DCLK2: variants seen among roughly 807,000 people sequenced by gnomAD.
The protein encoded by DCLK2 is doublecortin like kinase 2.
In DCLK2, 31 loss-of-function variants were observed where a neutral mutation model predicts 78.4. That is an observed-to-expected ratio of 0.40 (90% CI 0.30 to 0.53). The LOEUF is 0.53. Ranked by LOEUF, DCLK2 falls within the 20% of genes least tolerant of loss-of-function variation. The pLI is 0.61. For synonymous variants in DCLK2, 407 were observed against 374.9 expected (o/e 1.09, Z -0.99); for missense variants, 872 against 973.7 (o/e 0.90, Z 1.39).
intron 12 of DCLK2, among the ~76,000 whole-genome samples, chr4:150,243,960 A>G (rs1180241761): frequency 6.6e-6 from 1 of 150,944 alleles, no homozygotes; most frequent in Admixed American, 6.6e-5. Context: ...TTTTTAAGAG[A>G]CAGGGTCTCT....
At chr4:150,127,510 C>A (rs1239350207) in intron 2 of DCLK2, among the ~76,000 whole-genome samples, 3 of 152,090 alleles carry the variant, frequency 2.0e-5, no homozygotes, top group Admixed American at 2.0e-4. Context: ...TCAATGGGAG[C>A]TTCTTCAAGT....
At chr4:150,238,868 C>G (rs1742697803) in intron 10 of DCLK2, among the ~76,000 whole-genome samples, 1 of 152,144 alleles carries the variant, frequency 6.6e-6, no homozygotes, top group African/African-American at 2.4e-5. Flanking sequence ...AGGTCATTTT[C>G]TTTCTAAACT....
intron 5 of DCLK2, among the ~76,000 whole-genome samples, chr4:150,215,712 CA>C (rs1282263987): frequency 7.2e-5 from 11 of 152,202 alleles, no homozygotes; most frequent in Non-Finnish European, 4.4e-5. Flanking sequence ...GCATGATTGA[CA>C]ACCCTGTAGA....
At chr4:150,176,351 G>C (rs1015622051) in intron 2 of DCLK2, among the ~76,000 whole-genome samples, 1 of 152,190 alleles carries the variant, frequency 6.6e-6, no homozygotes, top group African/African-American at 2.4e-5. Context: ...GTAAGAGCGA[G>C]AAAGATACGG....
Position 150,249,666 on chromosome 4 carries a change from C to A in DCLK2, c.2055C>A (p.Thr685=). Residue 685 remains threonine, a synonymous_variant, in exon 15 of 16, where the codon ACC becomes ACA. Coordinates refer to ENST00000296550, the MANE Select transcript of DCLK2 (RefSeq NM_001040260.4). ...NALPKQNSTT[T]GVSVIMNTAL... is the part of the protein sequence containing the mutation. ...TCCCCAAACAGAACAGCACTACCAC[C>A]GGGGTCTCCGTCATCATGGTGAGTG... 2.5e-6 allele frequency: 4 copies of A among 1,613,500 alleles called. No homozygotes were observed. The highest frequency in any genetic ancestry group is 1.7e-4 in the Middle Eastern group (1 of 6,056).
At chr4:150,202,353 G>A (rs1450680861) in intron 4 of DCLK2, among the ~76,000 whole-genome samples, 6 of 152,124 alleles carry the variant, frequency 3.9e-5, no homozygotes, top group Non-Finnish European at 7.3e-5. Context: ...ATAAAATCTA[G>A]ATCACTGACC....
At chr4:150,204,236 T>TA (rs147186025) in intron 5 of DCLK2, among the ~76,000 whole-genome samples, 2,284 of 152,274 alleles carry the variant, frequency 0.015, 63 homozygotes, top group African/African-American at 0.052. Flanking sequence ...CATGATTCTT[T>TA]AAAAAATCTT....
intron 2 of DCLK2, among the ~76,000 whole-genome samples, chr4:150,137,724 G>T (rs955701746): frequency 6.6e-6 from 1 of 152,132 alleles, no homozygotes; most frequent in African/African-American, 2.4e-5. Flanking sequence ...TAGGGGTGGG[G>T]ACAAGATTTT....
Position 150,248,331 on chromosome 4 carries a change from AAATGT to A in DCLK2, c.1903_1907del (p.Asn635Ter). 1 of 1,613,954 alleles carries A rather than the reference AAATGT, an allele frequency of 6.2e-7. No individual in the cohort carries two copies. The highest frequency in any genetic ancestry group is 8.5e-7 in the Non-Finnish European group (1 of 1,179,962). ...AATTAATCAGTCAAATGCTTCAGGT[AAATGT>A]TGAAGCTCGGTGTACCGCGGGACAA... On this transcript the variant is annotated frameshift_variant, in exon 14 of 16. Coordinates refer to ENST00000296550, the MANE Select transcript of DCLK2 (RefSeq NM_001040260.4). LOFTEE classifies it high-confidence loss of function.
chr4:150,253,836 G>A, intron 15 of DCLK2: 2 of 985,468 alleles, frequency 2.0e-6, no homozygotes, highest in Non-Finnish European at 2.4e-6. Context: ...TTCCCACTTA[G>A]GTGAAAAGTG....
intron 1 of DCLK2, among the ~76,000 whole-genome samples, chr4:150,095,512 G>C (rs773913964): frequency 9.2e-5 from 14 of 152,252 alleles, no homozygotes; most frequent in Non-Finnish European, 1.8e-4. Context: ...CACAATCTGT[G>C]TACCCTTTCT....
intron 10 of DCLK2, among the ~76,000 whole-genome samples, chr4:150,237,850 A>G (rs1270673627): frequency 6.6e-6 from 1 of 152,250 alleles, no homozygotes; most frequent in Non-Finnish European, 1.5e-5. Flanking sequence ...AAATAGAAAC[A>G]GGCATTACAA....
At chr4:150,175,320 G>C (rs1736992744) in intron 2 of DCLK2, 1 of 149,358 alleles carries the variant, frequency 6.7e-6, no homozygotes, top group Non-Finnish European at 1.5e-5. Context: ...TTACCTGTGA[G>C]AGTGCTGGCT....
At chr4:150,170,144 C>A (rs1560829652) in intron 2 of DCLK2, among the ~76,000 whole-genome samples, 1 of 152,184 alleles carries the variant, frequency 6.6e-6, no homozygotes, top group African/African-American at 2.4e-5. Context: ...ACTTCTACCA[C>A]CTGGGTTCAA....
At chr4:150,175,863 T>A (rs772114620) in intron 2 of DCLK2, among the ~76,000 whole-genome samples, 5 of 152,134 alleles carry the variant, frequency 3.3e-5, no homozygotes, top group Non-Finnish European at 5.9e-5. Context: ...CTCTCCCCTC[T>A]CTGTACCGTG....
chr4:150,214,139 G>T (rs1278875311), intron 5 of DCLK2, among the ~76,000 whole-genome samples: 1 of 152,176 alleles, frequency 6.6e-6, no homozygotes, highest in Admixed American at 6.5e-5. Flanking sequence ...TAGATGACTT[G>T]CAGTGGTTAG....
intron 2 of DCLK2, among the ~76,000 whole-genome samples, chr4:150,113,674 G>T (rs1731860926): frequency 7.3e-6 from 1 of 137,808 alleles, no homozygotes; most frequent in African/African-American, 2.7e-5. Flanking sequence ...GTTAATTTTT[G>T]TTTATCTTTG....
chr4:150,190,229 GGATAGTTAGATAGATA>G (rs1235653613), intron 2 of DCLK2, among the ~76,000 whole-genome samples: 11 of 91,674 alleles, frequency 1.2e-4, no homozygotes, highest in Admixed American at 8.1e-4. Flanking sequence ...ATGGATAGAT[GGATAGTTAGATAGATA>G]GATAGATAGA....
intron 2 of DCLK2, among the ~76,000 whole-genome samples, chr4:150,174,257 T>TTG (rs1736779494): frequency 6.6e-6 from 1 of 152,210 alleles, no homozygotes; most frequent in Non-Finnish European, 1.5e-5. Flanking sequence ...GGCATCCTGT[T>TTG]TGTCCAGGAA....
Sources: allele counts gnomAD v4.1 joint callset (sites outside exome capture counted in the v4.1 genomes callset), GRCh38; gene constraint gnomAD v4.1.1; transcripts MANE v1.5; gene names NCBI Gene and HGNC (gene_info 2026-07-23, HGNC 2026-07-21).